Variants in ATL1 observed in about 807,000 individuals in gnomAD.
ATL1 encodes atlastin GTPase 1, also known as atlastin-1.
A neutral mutation model predicts 75.5 loss-of-function variants in ATL1; 31 were observed. That is an observed-to-expected ratio of 0.41 (90% CI 0.31 to 0.55). The LOEUF (loss-of-function observed/expected upper bound fraction) is 0.55, where lower values mean the gene tolerates loss of function less well. ATL1 is among the 20% of genes least tolerant of loss of function. The pLI, the probability that ATL1 is intolerant of heterozygous loss-of-function variation, is 0.27. For synonymous variants in ATL1, 226 were observed against 233.3 expected, an observed-to-expected ratio of 0.97 and a Z score of 0.28; for missense variants, 405 against 662.6, an observed-to-expected ratio of 0.61 and a Z score of 4.27.
intron 1 of ATL1, among the ~76,000 whole-genome samples, chr14:50,539,908 G>C (rs1002839207): frequency 2.0e-5 from 3 of 152,092 alleles, no homozygotes; most frequent in Non-Finnish European, 4.4e-5. Flanking sequence ...TCAAGGTTTA[G>C]GGAGATGGGA....
At position 50,620,732 on chromosome 14, in the gene ATL1, A is replaced by G; in HGVS notation, c.990+6A>G. 6.2e-7 allele frequency: 1 copy of G among 1,612,932 alleles called. No homozygotes were observed. Among genetic ancestry groups the G allele is most frequent in the African/African-American group, 1.3e-5 (1 of 75,000 alleles). ...GTCTGGTGGAGTACTTCAAGGTATC[A>G]CTCTCATTTCTAGAGCATTCGTGGG... On this transcript the variant is annotated splice_donor_region_variant and intron_variant, in intron 9 of 13. Transcript: ENST00000358385.
rs1229960882 is a variant in ATL1 at position 50,623,165 on chromosome 14, C to T, written c.1048-12C>T. On this transcript the variant is annotated splice_polypyrimidine_tract_variant and intron_variant, in intron 10 of 13. Coordinates refer to ENST00000358385, the MANE Select transcript of ATL1 (RefSeq NM_015915.5). ...ACTGCATTTTACATCATATTTTGTA[C>T]TTTGTCCAAAGGCCACAGCAGAAGC... is the stretch of plus-strand genomic sequence containing the variant. 2 of 1,612,202 alleles carry T rather than the reference C, an allele frequency of 1.2e-6. No homozygotes were observed. The highest frequency in any genetic ancestry group is 8.5e-7 in the Non-Finnish European group (1 of 1,178,976).
At chr14:50,600,138 T>A (rs1036476236) in intron 6 of ATL1, among the ~76,000 whole-genome samples, 3 of 152,036 alleles carry the variant, frequency 2.0e-5, no homozygotes, top group Non-Finnish European at 4.4e-5. Flanking sequence ...ACTTTAGGTC[T>A]TACCAGCAGA....
intron 6 of ATL1, among the ~76,000 whole-genome samples, chr14:50,597,310 A>G (rs2039229897): frequency 6.6e-6 from 1 of 152,052 alleles, no homozygotes; most frequent in African/African-American, 2.4e-5. Context: ...ATGTCTCAGG[A>G]TGGATCAATT....
intron 8 of ATL1, among the ~76,000 whole-genome samples, chr14:50,619,454 C>T (rs564352744): frequency 1.3e-4 from 20 of 152,258 alleles, no homozygotes; most frequent in African/African-American, 3.6e-4. Flanking sequence ...CCACCTGCCT[C>T]GGCCTCCCAA....
chr14:50,621,919 C>T lies in ATL1; in HGVS notation c.1047+20C>T, dbSNP rs754774903. On this transcript the variant is annotated intron_variant, in intron 10 of 13. Transcript: ENST00000358385. Reference sequence around the variant, plus strand: ...TTACAGGTATTTATTAATGAGGAGGCATGTTTTAAGACACGTGACTAAGGC... The same window carrying T: ...TTACAGGTATTTATTAATGAGGAGGTATGTTTTAAGACACGTGACTAAGGC... 6.4e-7 allele frequency: 1 copy of T among 1,554,596 alleles called. No individual in the cohort carries two copies. The highest frequency in any genetic ancestry group is 8.9e-7 in the Non-Finnish European group (1 of 1,127,224).
intron 1 of ATL1, among the ~76,000 whole-genome samples, chr14:50,586,004 A>T (rs2039098159): frequency 1.3e-5 from 2 of 152,136 alleles, no homozygotes; most frequent in Non-Finnish European, 2.9e-5. Flanking sequence ...TTTCAATAGC[A>T]TTATTTTATA....
intron 1 of ATL1, among the ~76,000 whole-genome samples, chr14:50,579,219 T>C (rs1287236352): frequency 6.6e-6 from 1 of 152,206 alleles, no homozygotes; most frequent in Non-Finnish European, 1.5e-5. Context: ...ACATGAATAT[T>C]CAATGGATTT....
chr14:50,609,804 C>T (rs929625376), intron 6 of ATL1, among the ~76,000 whole-genome samples: 9 of 152,032 alleles, frequency 5.9e-5, no homozygotes, highest in Middle Eastern at 6.8e-3. Context: ...GAAAAATGCC[C>T]GTTCTAGGTC....
intron 1 of ATL1, among the ~76,000 whole-genome samples, chr14:50,541,459 A>T (rs2038558994): frequency 6.6e-6 from 1 of 152,210 alleles, no homozygotes; most frequent in Non-Finnish European, 1.5e-5. Flanking sequence ...CATCCACCTT[A>T]AAGATGCACA....
chr14:50,630,006 T>C lies in ATL1; in HGVS notation c.1563T>C (p.Asn521=). ...AAALWDQGST[N]EALYKLYSAA... is the part of the protein sequence containing the mutation. ...TGCCTTTGCCACAGGGAAGTACAAA[T>C]GAGGTAAGTTAAATTTTTTAAAATT... Residue 521 remains asparagine, a synonymous_variant, in exon 13 of 14, where the codon AAT becomes AAC. Transcript: ENST00000358385. 3 of 1,594,784 alleles carry C rather than the reference T, an allele frequency of 1.9e-6. No homozygotes were observed. Among genetic ancestry groups the C allele is most frequent in the Non-Finnish European group, 2.6e-6 (3 of 1,166,806 alleles).
intron 1 of ATL1, among the ~76,000 whole-genome samples, chr14:50,550,163 T>C (rs2038683874): frequency 1.3e-5 from 2 of 151,836 alleles, no homozygotes; most frequent in African/African-American, 2.4e-5. Context: ...CCTGCTGGAG[T>C]GGTCATAGTG....
chr14:50,615,992 A>G (rs1255057660), intron 8 of ATL1, among the ~76,000 whole-genome samples: 2 of 151,922 alleles, frequency 1.3e-5, no homozygotes, highest in Non-Finnish European at 2.9e-5. Flanking sequence ...CCTACTTATT[A>G]TTTTTATTTT....
At chr14:50,629,964 CT>C in intron 12 of ATL1, 30 bp from the exon 13 acceptor site, 1 of 1,554,240 alleles carries the variant, frequency 6.4e-7, no homozygotes, top group East Asian at 2.3e-5. Context: ...ATATACTTTT[CT>C]TTTTTCTTTT....
At chr14:50,589,750 G>A (rs117403744) in intron 2 of ATL1, among the ~76,000 whole-genome samples, 3 of 152,276 alleles carry the variant, frequency 2.0e-5, no homozygotes, top group African/African-American at 4.8e-5. Context: ...AAGAACCAAA[G>A]CTCTTGATAA....
Position 50,591,718 on chromosome 14 carries a change from T to A in ATL1, c.522+79T>A. 3 of 1,012,228 alleles carry A rather than the reference T, an allele frequency of 3.0e-6. No homozygotes were observed. In the South Asian group the frequency reaches 4.0e-5, roughly 13 times the overall value. The allele number at this position is 1,012,228 out of a possible 1,614,324, so 62.7% of individuals were successfully genotyped here. A position where few individuals can be genotyped will look rare whatever the true frequency, so the allele number is the denominator to read the frequency against. On this transcript the variant is annotated intron_variant, in intron 4 of 13. Coordinates refer to ENST00000358385, the MANE Select transcript of ATL1 (RefSeq NM_015915.5). The stretch of plus-strand genomic sequence containing the variant: ...ATGTGTTTCTACATACATGTTATAA[T>A]TAGATAAACAACAGAAATTGGGAAT...
chr14:50,582,717 T>C (rs564693913), intron 1 of ATL1, among the ~76,000 whole-genome samples: 62 of 151,938 alleles, frequency 4.1e-4, no homozygotes, highest in Middle Eastern at 3.4e-3. Flanking sequence ...TAAGCCACCA[T>C]GCCCAGCTGC....
rs369414079 is a variant in ATL1 at position 50,577,155 on chromosome 14, C to T, written c.35-10676C>T. Among the ~76,000 whole-genome samples the T allele has an allele frequency of 1.1e-3, 171 of 152,110 alleles. 2 individuals carry two copies. The South Asian group carries it at 0.033, about 29-fold the overall frequency. On this transcript the variant is annotated intron_variant, in intron 1 of 13. Transcript: ENST00000358385. ...TCAGCTCTCTGCAACCTCCACCTCC[C>T]GGGTTCAAGCGATTCTCCTGCCTTA...
At chr14:50,559,063 A>T (rs2038800146), upstream of ATL1, 1 of 152,258 alleles carries the variant, frequency 6.6e-6, no homozygotes, top group Non-Finnish European at 1.5e-5. Flanking sequence ...CACCTCTGGT[A>T]TAATGTCCTC....
Sources: gnomAD v4.1 joint callset for allele counts (sites outside exome capture counted in the v4.1 genomes callset) on GRCh38, gnomAD v4.1.1 for gene constraint, MANE v1.5 for transcripts, NCBI Gene and HGNC (gene_info 2026-07-23, HGNC 2026-07-21) for gene names.